The following RAB38 variants were observed in gnomAD, a reference collection of about 807,000 sequenced individuals.
The protein encoded by RAB38 is ras-related protein Rab-38.
A neutral mutation model predicts 18.4 loss-of-function variants in RAB38; 15 were observed. The observed-to-expected ratio is 0.82, with a 90% CI of 0.55 to 1.26. RAB38 has a LOEUF of 1.26. RAB38 is among the 50% of genes most tolerant of loss of function. RAB38 has a pLI of 0.00. For synonymous variants in RAB38, 101 were observed against 104.4 expected, an observed-to-expected ratio of 0.97 and a Z score of 0.20; for missense variants, 294 against 267.4, an observed-to-expected ratio of 1.10 and a Z score of -0.69.
the RAB38 span, among the ~76,000 whole-genome samples, chr11:88,004,184 C>T: frequency 6.7e-6 from 1 of 149,354 alleles, no homozygotes; most frequent in Non-Finnish European, 1.5e-5. Flanking sequence ...ACACATCCTT[C>T]ATGAATACAG....
chr11:87,971,905 A>G, the RAB38 span, among the ~76,000 whole-genome samples: 1 of 139,852 alleles, frequency 7.2e-6, no homozygotes, highest in Non-Finnish European at 1.5e-5. Context: ...AAATCTCACT[A>G]AAATATGTGT....
At chr11:87,872,938 G>A in the RAB38 span, among the ~76,000 whole-genome samples, 6 of 151,688 alleles carry the variant, frequency 4.0e-5, no homozygotes, top group African/African-American at 1.4e-4. Context: ...ACTTGTGTAT[G>A]GATGTAAGTT....
the RAB38 span, among the ~76,000 whole-genome samples, chr11:87,961,076 C>T: frequency 6.6e-6 from 1 of 152,142 alleles, no homozygotes; most frequent in East Asian, 1.9e-4. Flanking sequence ...CATGCTGTGC[C>T]TATTAGAATA....
At chr11:87,935,570 C>T in the RAB38 span, among the ~76,000 whole-genome samples, 1 of 151,884 alleles carries the variant, frequency 6.6e-6, no homozygotes, top group Non-Finnish European at 1.5e-5. Context: ...ATTATAGATT[C>T]ACATGAAGTT....
the RAB38 span, among the ~76,000 whole-genome samples, chr11:87,837,986 T>C: frequency 6.6e-6 from 1 of 152,222 alleles, no homozygotes. Context: ...AGAGTTTAAC[T>C]CTTAATAAGT....
chr11:88,034,064 A>G, the RAB38 span, among the ~76,000 whole-genome samples: 1 of 152,052 alleles, frequency 6.6e-6, no homozygotes, highest in African/African-American at 2.4e-5. Flanking sequence ...TACCTTCCAC[A>G]TCCGCAACAC....
the RAB38 span, among the ~76,000 whole-genome samples, chr11:87,937,626 C>T: frequency 6.6e-6 from 1 of 151,488 alleles, no homozygotes; most frequent in Non-Finnish European, 1.5e-5. Flanking sequence ...ATGACTATTG[C>T]AATAATCTAT....
intron 2 of RAB38, among the ~76,000 whole-genome samples, chr11:88,148,866 C>G (rs1431411428): frequency 1.3e-5 from 2 of 151,960 alleles, no homozygotes; most frequent in African/African-American, 4.8e-5. Context: ...AATGGTTATT[C>G]TTTTAAAATT....
At chr11:88,081,557 T>A in the RAB38 span, among the ~76,000 whole-genome samples, 1 of 151,886 alleles carries the variant, frequency 6.6e-6, no homozygotes, top group African/African-American at 2.4e-5. Flanking sequence ...AATCCTTAGT[T>A]AGCATTCCTT....
At chr11:87,837,495 G>A in the RAB38 span, among the ~76,000 whole-genome samples, 36 of 152,280 alleles carry the variant, frequency 2.4e-4, 1 homozygote, top group East Asian at 6.6e-3. Flanking sequence ...TAAGCCATAA[G>A]TATTAAGCAA....
the RAB38 span, among the ~76,000 whole-genome samples, chr11:87,947,220 C>A: frequency 7.1e-6 from 1 of 140,082 alleles, no homozygotes; most frequent in Non-Finnish European, 1.5e-5. Context: ...TATCCTTCAC[C>A]CACTTTTTGA....
At chr11:87,974,208 G>A in the RAB38 span, among the ~76,000 whole-genome samples, 3 of 119,426 alleles carry the variant, frequency 2.5e-5, no homozygotes, top group South Asian at 2.5e-4. Context: ...ACAAGCTGAT[G>A]TAAGTATGTT....
At chr11:88,148,667 A>C (rs370930252) in intron 2 of RAB38, among the ~76,000 whole-genome samples, 44 of 152,340 alleles carry the variant, frequency 2.9e-4, no homozygotes, top group Middle Eastern at 3.4e-3. Context: ...ATAAGGCCAA[A>C]GTGTGAACTC....
the RAB38 span, among the ~76,000 whole-genome samples, chr11:87,941,342 A>G: frequency 2.0e-5 from 3 of 149,758 alleles, no homozygotes; most frequent in Non-Finnish European, 4.4e-5. Context: ...TAGGTGTGCA[A>G]CTTACACTCA....
At chr11:87,859,730 T>C in the RAB38 span, among the ~76,000 whole-genome samples, 2 of 152,024 alleles carry the variant, frequency 1.3e-5, no homozygotes, top group African/African-American at 2.4e-5. Flanking sequence ...AAACATCTTG[T>C]TTCAGGGATT....
At chr11:88,126,963 A>G (rs1481460755) in intron 2 of RAB38, among the ~76,000 whole-genome samples, 1 of 152,188 alleles carries the variant, frequency 6.6e-6, no homozygotes, top group Non-Finnish European at 1.5e-5. Flanking sequence ...CCCAACTATT[A>G]TTGTTAAGTC....
the RAB38 span, among the ~76,000 whole-genome samples, chr11:88,010,753 T>C: frequency 1.3e-5 from 2 of 152,182 alleles, no homozygotes; most frequent in African/African-American, 4.8e-5. Context: ...AATGGGGCAG[T>C]TGAGAGCAAA....
At chr11:87,825,156 A>G in the RAB38 span, among the ~76,000 whole-genome samples, 1 of 152,182 alleles carries the variant, frequency 6.6e-6, no homozygotes, top group Non-Finnish European at 1.5e-5. Context: ...CTAGTCATTC[A>G]GTTAAATTAT....
the RAB38 span, among the ~76,000 whole-genome samples, chr11:87,933,638 T>A: frequency 1.3e-5 from 2 of 151,586 alleles, no homozygotes; most frequent in South Asian, 4.2e-4. Context: ...AAGAGGTGGA[T>A]AACATTTTTT....
Sources: gnomAD v4.1 joint callset for allele counts (sites outside exome capture counted in the v4.1 genomes callset) on GRCh38, gnomAD v4.1.1 for gene constraint, MANE v1.5 for transcripts, NCBI Gene and HGNC (gene_info 2026-07-23, HGNC 2026-07-21) for gene names.